Variants in PBX1 observed in about 807,000 individuals in gnomAD.
PBX1 encodes the protein PBX homeobox 1.
In PBX1, 6 loss-of-function variants were observed where a neutral mutation model predicts 53.4. The ratio of observed to expected loss-of-function variants is 0.11; its 90% CI spans 0.06 to 0.22. The LOEUF (loss-of-function observed/expected upper bound fraction) is 0.22. Among genes scored for constraint, PBX1 ranks in the 10% least tolerant of loss-of-function variants. PBX1 has a pLI of 1.00. For missense variants in PBX1, 251 were observed against 551.4 expected, an observed-to-expected ratio of 0.46 and a Z score of 5.46; for synonymous variants, 204 against 212.3, an observed-to-expected ratio of 0.96 and a Z score of 0.34.
At position 164,646,905 on chromosome 1, in the gene PBX1, T is replaced by C. The variant is rs573884321; in HGVS notation, c.265+83594T>C. Among the ~76,000 whole-genome samples, 4 of 152,298 alleles carry C rather than the reference T, an allele frequency of 2.6e-5. No homozygotes were observed. The South Asian group carries it at 8.3e-4, about 32-fold the overall frequency. Reference sequence around the variant, plus strand: ...TTTAGGACTGCCCACCGCAAACACATGCTGTGCACTCATACCTTTAGTGTG... The same window carrying C: ...TTTAGGACTGCCCACCGCAAACACACGCTGTGCACTCATACCTTTAGTGTG... On this transcript the variant is annotated intron_variant, in intron 2 of 8. Transcript: ENST00000420696.
At chr1:164,726,307 G>A (rs1408410029) in intron 2 of PBX1, among the ~76,000 whole-genome samples, 1 of 152,196 alleles carries the variant, frequency 6.6e-6, no homozygotes, top group African/African-American at 2.4e-5. Flanking sequence ...TGGGTTTAGT[G>A]TAGAGAAAAT....
At chr1:164,783,397 T>C (rs1320099929) in intron 2 of PBX1, among the ~76,000 whole-genome samples, 1 of 152,132 alleles carries the variant, frequency 6.6e-6, no homozygotes, top group Admixed American at 6.5e-5. Context: ...GGTGTCTGTG[T>C]GCATTTGTGT....
chr1:164,855,486 A>G (rs1031026936), downstream of PBX1, among the ~76,000 whole-genome samples: 1 of 152,004 alleles, frequency 6.6e-6, no homozygotes, highest in African/African-American at 2.4e-5. Flanking sequence ...TTTTTTTTCT[A>G]GAAAGTCACT....
chr1:164,583,923 A>G (rs1654789155), intron 2 of PBX1, among the ~76,000 whole-genome samples: 1 of 152,200 alleles, frequency 6.6e-6, no homozygotes, highest in African/African-American at 2.4e-5. Flanking sequence ...TAAGTATAGC[A>G]TAGCACTTAA....
At chr1:164,783,562 A>G (rs146422331) in intron 2 of PBX1, among the ~76,000 whole-genome samples, 2 of 152,284 alleles carry the variant, frequency 1.3e-5, no homozygotes, top group African/African-American at 2.4e-5. Context: ...ATTGATTCAG[A>G]TTTAACCAAA....
intron 2 of PBX1, among the ~76,000 whole-genome samples, chr1:164,572,739 T>A (rs1345917176): frequency 2.6e-5 from 4 of 152,142 alleles, no homozygotes; most frequent in Admixed American, 2.0e-4. Flanking sequence ...AAAAAGACAC[T>A]GATGTAAAGC....
chr1:164,834,716 G>T (rs1457784119), intron 8 of PBX1, among the ~76,000 whole-genome samples: 2 of 152,204 alleles, frequency 1.3e-5, no homozygotes, highest in Non-Finnish European at 2.9e-5. Context: ...ATTTTGAAAA[G>T]AGTTATGAAA....
intron 2 of PBX1, among the ~76,000 whole-genome samples, chr1:164,648,006 G>A (rs1178819055): frequency 6.6e-6 from 1 of 151,962 alleles, no homozygotes; most frequent in Non-Finnish European, 1.5e-5. Context: ...TAGTAGAGAC[G>A]GGGTTTCACC....
chr1:164,798,476 A>G (rs936011626), intron 3 of PBX1, among the ~76,000 whole-genome samples: 2 of 152,244 alleles, frequency 1.3e-5, no homozygotes, highest in African/African-American at 4.8e-5. Flanking sequence ...ATGCTAAGTC[A>G]TAGTAACTAA....
intron 8 of PBX1, among the ~76,000 whole-genome samples, chr1:164,832,219 G>A (rs767077681): frequency 6.6e-5 from 10 of 152,142 alleles, no homozygotes; most frequent in Non-Finnish European, 1.3e-4. Flanking sequence ...AAGAATTTAT[G>A]TTGCCTGGTG....
intron 2 of PBX1, among the ~76,000 whole-genome samples, chr1:164,783,756 A>G (rs942422451): frequency 2.6e-4 from 39 of 152,194 alleles, no homozygotes; most frequent in African/African-American, 8.7e-4. Flanking sequence ...CTGTGGCACT[A>G]ACAGAAGAAA....
At chr1:164,709,512 T>C (rs554094705) in intron 2 of PBX1, among the ~76,000 whole-genome samples, 38 of 152,274 alleles carry the variant, frequency 2.5e-4, no homozygotes, top group African/African-American at 8.9e-4. Flanking sequence ...CAGATTCTGA[T>C]GGCAACTCGG....
chr1:164,849,894 A>T lies in PBX1; in HGVS notation c.*3218A>T, dbSNP rs1671748482. 3 of 229,234 alleles carry T rather than the reference A, an allele frequency of 1.3e-5. No individual in the cohort carries two copies. In the East Asian group the frequency reaches 1.9e-4, roughly 14 times the overall value. 14.2% of individuals were successfully genotyped at this position (229,234 alleles called of 1,614,324 possible). On this transcript the variant is annotated 3_prime_UTR_variant, in exon 9 of 9. Transcript: ENST00000420696. The stretch of plus-strand genomic sequence containing the variant: ...GATGAAACTACAGAAACTCAAATTT[A>T]AAAAAAACTTTAAAAGAAACAAAAA...
chr1:164,611,102 C>T (rs1656891468), intron 2 of PBX1, among the ~76,000 whole-genome samples: 1 of 152,204 alleles, frequency 6.6e-6, no homozygotes, highest in Non-Finnish European at 1.5e-5. Context: ...GATCTGAACC[C>T]CAGCCTTTCA....
chr1:164,634,322 C>T (rs908256091), intron 2 of PBX1, among the ~76,000 whole-genome samples: 2 of 152,210 alleles, frequency 1.3e-5, no homozygotes, highest in Admixed American at 6.5e-5. Context: ...CCTGGCCCCA[C>T]ACCAGCTGAC....
In PBX1 at chr1:164,781,491, G is replaced by A. The variant is rs530953155; in HGVS notation, c.266-11003G>A. Among the ~76,000 whole-genome samples, 13 of 152,282 alleles carry A rather than the reference G, an allele frequency of 8.5e-5. No individual in the cohort carries two copies. The South Asian group carries it at 2.7e-3, about 32-fold the overall frequency. ...ACAGGTACTCAGCCTAAAGTAATTT[G>A]TTAGAACTTGGTCTCACAGGTTTAC... On this transcript the variant is annotated intron_variant, in intron 2 of 8. Transcript: ENST00000420696.
intron 2 of PBX1, among the ~76,000 whole-genome samples, chr1:164,677,083 ATTTTTTTTTT>A (rs767622214): frequency 2.0e-5 from 2 of 99,668 alleles, no homozygotes; most frequent in Non-Finnish European, 3.7e-5. Context: ...ACTGCTTGAC[ATTTTTTTTTT>A]TTTTTTTTTT....
intron 2 of PBX1, among the ~76,000 whole-genome samples, chr1:164,693,673 T>C (rs1437512002): frequency 6.6e-6 from 1 of 152,150 alleles, no homozygotes; most frequent in Non-Finnish European, 1.5e-5. Flanking sequence ...ATATCTGTTA[T>C]TCCATCTGCA....
chr1:164,653,076 A>G (rs2101927357), intron 2 of PBX1, among the ~76,000 whole-genome samples: 1 of 152,134 alleles, frequency 6.6e-6, no homozygotes, highest in East Asian at 1.9e-4. Flanking sequence ...CATGTTGGCC[A>G]GGGTGGTCTT....
Sources: allele counts gnomAD v4.1 joint callset (sites outside exome capture counted in the v4.1 genomes callset), GRCh38; gene constraint gnomAD v4.1.1; transcripts MANE v1.5; gene names NCBI Gene and HGNC (gene_info 2026-07-23, HGNC 2026-07-21).